SUPT20H: variants seen among roughly 807,000 people sequenced by gnomAD.
The protein encoded by SUPT20H is transcription factor SPT20 homolog.
Under a neutral mutation model 122.8 loss-of-function variants are expected in SUPT20H, and 82 were observed. The observed-to-expected ratio is 0.67, with a 90% CI of 0.56 to 0.80. The LOEUF (loss-of-function observed/expected upper bound fraction) is 0.80. Among genes scored for constraint, SUPT20H ranks in the 30% least tolerant of loss-of-function variants. The probability of loss-of-function intolerance (pLI) is 0.00; values close to 1 mark genes in which losing one functional copy is unlikely to be tolerated. For synonymous variants in SUPT20H, 291 were observed against 313.0 expected, an observed-to-expected ratio of 0.93 and a Z score of 0.74; for missense variants, 831 against 921.6, an observed-to-expected ratio of 0.90 and a Z score of 1.27.
intron 6 of SUPT20H, among the ~76,000 whole-genome samples, 181 bp from the exon 7 acceptor site, chr13:37,044,362 G>C (rs1416457358): frequency 6.6e-6 from 1 of 151,550 alleles, no homozygotes; most frequent in Non-Finnish European, 1.5e-5. Context: ...CCTTCTTAAG[G>C]GGGAAAAAAA....
intron 1 of SUPT20H, among the ~76,000 whole-genome samples, chr13:37,051,953 C>T (rs972350648): frequency 6.6e-6 from 1 of 152,156 alleles, no homozygotes; most frequent in African/African-American, 2.4e-5. Context: ...GCCCACTGGG[C>T]TTGATCACTA....
intron 2 of SUPT20H, among the ~76,000 whole-genome samples, chr13:37,050,845 T>C (rs964201062): frequency 4.6e-5 from 7 of 152,178 alleles, no homozygotes; most frequent in African/African-American, 1.7e-4. Context: ...AGACAGATGT[T>C]TTCTGAAGTT....
At chr13:37,029,679 T>C (rs1475192469) in intron 13 of SUPT20H, 86 bp downstream of exon 13, 5 of 1,127,666 alleles carry the variant, frequency 4.4e-6, no homozygotes, top group Non-Finnish European at 6.4e-6. Context: ...CCCAAACTAA[T>C]GGCAATTGCA....
chr13:37,025,915 C>A, intron 16 of SUPT20H: 1 of 294,090 alleles, frequency 3.4e-6, no homozygotes, highest in Non-Finnish European at 6.2e-6. Context: ...ATTTAAGTCC[C>A]CCAAAAATCT....
Position 37,022,528 on chromosome 13 carries a change from A to G in SUPT20H, c.1592-448T>C. ...ATGCAGTATATCACCTAAAAATCCC[A>G]TTAAAGATGCTATTGCAGTAACAGT... On this transcript the variant is annotated intron_variant, in intron 19 of 25. Transcript: ENST00000350612. This position sits in a 1 kb window ranked among gnomAD's most constrained non-coding sequence, Gnocchi z 4.5. 8.1e-7 allele frequency: 1 copy of G among 1,229,614 alleles called. No homozygotes were observed. Among genetic ancestry groups the G allele is most frequent in the Non-Finnish European group, 1.0e-6 (1 of 986,586 alleles). 76.2% of individuals were successfully genotyped at this position (1,229,614 alleles called of 1,614,324 possible).
intron 23 of SUPT20H, chr13:37,013,883 A>C (rs2059995667): frequency 6.6e-6 from 1 of 152,066 alleles, no homozygotes; most frequent in South Asian, 2.1e-4. Flanking sequence ...AGACCACATC[A>C]CCACCATAAC....
At chr13:37,054,220 A>G (rs1385284813) in intron 1 of SUPT20H, among the ~76,000 whole-genome samples, 1 of 152,200 alleles carries the variant, frequency 6.6e-6, no homozygotes, top group Non-Finnish European at 1.5e-5. Flanking sequence ...TCCTTCTGAA[A>G]CTATTCCAAT....
Position 37,029,836 on chromosome 13 carries a change from C to T in SUPT20H, c.922G>A (p.Val308Met). Reference protein sequence around the residue: ...CNLAIPSEVDVEKYAKVEKSI... With the variant: ...CNLAIPSEVDMEKYAKVEKSI... ...TTTTCCACTTTAGCATATTTCTCCA[C>T]CTAAACAATCAAATCAAGAAATACC... Residue 308 changes from valine to methionine, a missense_variant and splice_region_variant, in exon 13 of 26, where the codon GTG (valine) becomes ATG (methionine). Val to Met is a conservative substitution (Grantham distance 21, BLOSUM62 1). Coordinates refer to ENST00000350612, the MANE Select transcript of SUPT20H (RefSeq NM_001014286.3). The T allele has an allele frequency of 6.3e-7, 1 of 1,589,124 alleles. No individual in the cohort carries two copies. The highest frequency in any genetic ancestry group is 8.6e-7 in the Non-Finnish European group (1 of 1,168,978).
intron 2 of SUPT20H, among the ~76,000 whole-genome samples, chr13:37,050,984 T>C (rs1332141814): frequency 6.6e-6 from 1 of 152,214 alleles, no homozygotes; most frequent in Admixed American, 6.5e-5. Context: ...CATTTCTTAA[T>C]GGCAAAAGTT....
At chr13:37,013,137 T>C (rs924993220) in intron 23 of SUPT20H, 2 of 151,828 alleles carry the variant, frequency 1.3e-5, no homozygotes, top group African/African-American at 4.8e-5. Context: ...TATGGAAAGG[T>C]AGAGAACCTA....
rs759705717 is a variant in SUPT20H, at chr13:37,019,350, G to C, written c.1864C>G (p.Leu622Val). Residue 622 changes from leucine to valine, a missense_variant, in exon 22 of 26, where the codon CTA becomes GTA. Leu to Val is a conservative substitution (Grantham distance 32). Transcript: ENST00000350612. Reference sequence around the variant, plus strand: ...CAGTATTTCAGGTTTACCTGGAGTAGATTTAAGGGCCTGAGACTTGAAGTA... The same window carrying C: ...CAGTATTTCAGGTTTACCTGGAGTACATTTAAGGGCCTGAGACTTGAAGTA... ...KNTSSLRPLNLLQLPGGSLIF... is the reference protein window; with the variant it reads ...KNTSSLRPLNVLQLPGGSLIF... 3 of 1,599,222 alleles carry C rather than the reference G, an allele frequency of 1.9e-6. No homozygotes were observed. The highest frequency in any genetic ancestry group is 2.6e-6 in the Non-Finnish European group (3 of 1,174,492).
chr13:37,027,283 G>A (rs2062463627), intron 14 of SUPT20H, among the ~76,000 whole-genome samples: 2 of 151,284 alleles, frequency 1.3e-5, no homozygotes, highest in South Asian at 2.1e-4. Context: ...TGCATGCTGA[G>A]GATTCAGAAA....
At chr13:37,024,751 C>T (rs2061932446) in intron 17 of SUPT20H, 1 of 195,122 alleles carries the variant, frequency 5.1e-6, no homozygotes, top group East Asian at 1.3e-4. Context: ...AAGCAAGCTT[C>T]CACTCTTCCA....
chr13:37,047,127 T>C (rs1164067946), intron 5 of SUPT20H: 1 of 152,778 alleles, frequency 6.5e-6, no homozygotes, highest in Non-Finnish European at 1.5e-5. Flanking sequence ...TTGAATTTCA[T>C]ACATGCTCTG....
At chr13:37,050,710 C>T (rs1288568286) in intron 2 of SUPT20H, among the ~76,000 whole-genome samples, 1 of 152,086 alleles carries the variant, frequency 6.6e-6, no homozygotes, top group East Asian at 1.9e-4. Flanking sequence ...CCTTCAAAAA[C>T]TTAAGAGGAA....
At chr13:37,046,173 A>T (rs921499841) in intron 5 of SUPT20H, among the ~76,000 whole-genome samples, 1 of 152,132 alleles carries the variant, frequency 6.6e-6, no homozygotes, top group Non-Finnish European at 1.5e-5. Context: ...ATAAATTCTT[A>T]ATCTGTCATC....
chr13:37,040,294 C>T, intron 9 of SUPT20H, 111 bp downstream of exon 9: 1 of 950,896 alleles, frequency 1.1e-6, no homozygotes, highest in South Asian at 1.9e-5. Flanking sequence ...TCACATAAAG[C>T]ATCAAACTTA....
At chr13:37,056,281 T>C (rs1246187522) in intron 1 of SUPT20H, among the ~76,000 whole-genome samples, 10 of 152,222 alleles carry the variant, frequency 6.6e-5, no homozygotes, top group Non-Finnish European at 1.0e-4. Flanking sequence ...ACCCAAAGGA[T>C]TATAAAACAT....
chr13:37,024,869 TAAAG>T, intron 17 of SUPT20H: 1 of 171,518 alleles, frequency 5.8e-6, no homozygotes, highest in South Asian at 1.3e-4. Context: ...AATCATGTTA[TAAAG>T]AGTTAAATAA....
Sources: gnomAD v4.1 joint callset for allele counts (sites outside exome capture counted in the v4.1 genomes callset) on GRCh38, gnomAD v4.1.1 for gene constraint, Gnocchi (gnomAD v3.1) non-coding constraint, MANE v1.5 for transcripts, NCBI Gene and HGNC (gene_info 2026-07-23, HGNC 2026-07-21) for gene names.